Variants in PCDH7 observed in about 807,000 individuals in gnomAD.
The protein encoded by PCDH7 is protocadherin 7, also known as protocadherin-7.
PCDH7 carries 17 observed loss-of-function variants against 58.9 expected under a neutral mutation model. The observed-to-expected ratio is 0.29, with a 90% CI of 0.20 to 0.43. The LOEUF (loss-of-function observed/expected upper bound fraction) is 0.43. PCDH7 is among the 20% of genes least tolerant of loss of function. The pLI, the probability that PCDH7 is intolerant of heterozygous loss-of-function variation, is 1.00. For synonymous variants in PCDH7, 664 were observed against 616.4 expected (o/e 1.08, Z -1.14); for missense variants, 1,274 against 1,441.0 (o/e 0.88, Z 1.88).
intron 3 of PCDH7, among the ~76,000 whole-genome samples, chr4:30,960,717 G>A (rs940159675): frequency 1.3e-5 from 2 of 152,084 alleles, no homozygotes; most frequent in East Asian, 3.9e-4. Context: ...GGGTATTACA[G>A]ATGCAAATCA....
chr4:30,965,840 A>T (rs558171838), intron 3 of PCDH7, among the ~76,000 whole-genome samples: 48 of 152,142 alleles, frequency 3.2e-4, no homozygotes, highest in African/African-American at 6.3e-4. Context: ...TTATTTTTTT[A>T]AAAAAGTAGC....
At chr4:31,096,269 A>C (rs947434801) in intron 3 of PCDH7, among the ~76,000 whole-genome samples, 51 of 152,270 alleles carry the variant, frequency 3.3e-4, no homozygotes, top group Non-Finnish European at 2.4e-4. Context: ...TATTCAATAA[A>C]ACCTATTTAT....
At position 30,721,895 on chromosome 4, in the gene PCDH7, T is replaced by C; in HGVS notation, c.473T>C (p.Val158Ala). 1.3e-6 allele frequency: 2 copies of C among 1,589,866 alleles called. No homozygotes were observed. The highest frequency in any genetic ancestry group is 1.7e-6 in the Non-Finnish European group (2 of 1,169,856). The change falls in exon 1 of 2, where the codon GTG (valine) becomes GCG (alanine). Residue 158 changes from valine to alanine, a missense_variant. Physicochemically the swap from Val to Ala is moderately conservative, Grantham distance 64. This residue lies in a region of PCDH7 where 212 missense variants were observed against 255.8 expected (regional missense o/e 0.83). Transcript: ENST00000361762. This position sits in a 1 kb window ranked among gnomAD's most constrained non-coding sequence, Gnocchi z 6.7. The stretch of plus-strand genomic sequence containing the variant: ...CTCACGGTGGAGGAGAATCGGCCGG[T>C]GGGCACACTTTACCTGCTGCCCACA...
chr4:31,093,768 C>A (rs1180759424), intron 3 of PCDH7, among the ~76,000 whole-genome samples: 8 of 152,056 alleles, frequency 5.3e-5, no homozygotes, highest in Admixed American at 2.6e-4. Context: ...TGAAAGGCAA[C>A]CACATGAGCC....
intron 1 of PCDH7, among the ~76,000 whole-genome samples, chr4:30,766,704 C>T (rs1397325149): frequency 6.6e-6 from 1 of 151,490 alleles, no homozygotes; most frequent in Non-Finnish European, 1.5e-5. Context: ...GACAGTGTCC[C>T]ATTTATATTT....
intron 1 of PCDH7, among the ~76,000 whole-genome samples, chr4:30,918,923 C>T (rs1198022615): frequency 1.3e-5 from 2 of 152,082 alleles, no homozygotes; most frequent in Non-Finnish European, 2.9e-5. Context: ...TCTTAGCTTT[C>T]CCATTAATAA....
At chr4:30,724,434 T>C (rs1462338731) in exon 1 of PCDH7, 2 of 1,613,968 alleles carry the variant, frequency 1.2e-6, no homozygotes, top group South Asian at 1.1e-5. Flanking sequence ...CATTGCCTAC[T>C]GTTCAGCTTC....
In PCDH7 at chr4:31,032,482, A is replaced by T. The variant is rs1052454851; in HGVS notation, c.*7+82267A>T. Among the ~76,000 whole-genome samples, 5 of 151,628 alleles carry T rather than the reference A, an allele frequency of 3.3e-5. No homozygotes were observed. In the East Asian group the frequency reaches 9.7e-4, roughly 30 times the overall value. On this transcript the variant is annotated intron_variant, in intron 3 of 3. Coordinates refer to the PCDH7 transcript ENST00000509759. ...AATTAGCTTGTTGTGGTAGTGCATGACTGTAATCCCAGCTATCCAGGAGTC... is the reference window on the plus strand; with the variant it reads ...AATTAGCTTGTTGTGGTAGTGCATGTCTGTAATCCCAGCTATCCAGGAGTC...
chr4:31,061,209 G>C (rs2109237964), intron 3 of PCDH7, among the ~76,000 whole-genome samples: 1 of 151,716 alleles, frequency 6.6e-6, no homozygotes, highest in East Asian at 1.9e-4. Flanking sequence ...TCTGTGGTTT[G>C]TATCATTTGC....
At chr4:31,095,122 T>A (rs796365030) in intron 3 of PCDH7, among the ~76,000 whole-genome samples, 10 of 152,318 alleles carry the variant, frequency 6.6e-5, no homozygotes, top group African/African-American at 2.2e-4. Flanking sequence ...AGGGTATTTT[T>A]TTTTTTATGG....
intron 3 of PCDH7, among the ~76,000 whole-genome samples, chr4:31,090,223 G>T (rs1713051833): frequency 6.6e-6 from 1 of 151,494 alleles, no homozygotes; most frequent in South Asian, 2.1e-4. Flanking sequence ...TGTATACATG[G>T]TTCTGAAAGA....
intron 3 of PCDH7, among the ~76,000 whole-genome samples, chr4:31,026,176 T>G (rs1754408148): frequency 1.3e-5 from 2 of 152,344 alleles, no homozygotes; most frequent in South Asian, 4.1e-4. Flanking sequence ...TTCTAACATT[T>G]TCTCCCTTTA....
At chr4:31,125,644 G>A (rs575543263) in intron 3 of PCDH7, among the ~76,000 whole-genome samples, 9 of 151,992 alleles carry the variant, frequency 5.9e-5, no homozygotes, top group African/African-American at 7.3e-5. Flanking sequence ...ATAATCTCTC[G>A]TGATGCTAGG....
chr4:31,111,318 T>G (rs903117408), intron 3 of PCDH7, among the ~76,000 whole-genome samples: 2 of 150,756 alleles, frequency 1.3e-5, no homozygotes, highest in Non-Finnish European at 2.9e-5. Flanking sequence ...TTTTTTTTTT[T>G]TTTTCCTGAG....
intron 3 of PCDH7, among the ~76,000 whole-genome samples, chr4:31,081,563 T>C (rs181738629): frequency 1.8e-3 from 273 of 152,284 alleles, no homozygotes; most frequent in African/African-American, 6.3e-3. Context: ...CATTTCTGTG[T>C]CTTTCAATAT....
chr4:30,959,965 A>G (rs1246187864), intron 3 of PCDH7, among the ~76,000 whole-genome samples: 3 of 151,974 alleles, frequency 2.0e-5, no homozygotes, highest in African/African-American at 4.8e-5. Flanking sequence ...TTAAATTTTG[A>G]TAGTCTAACC....
chr4:30,982,026 C>G (rs189601894), intron 3 of PCDH7, among the ~76,000 whole-genome samples: 14 of 152,200 alleles, frequency 9.2e-5, no homozygotes, highest in Admixed American at 2.6e-4. Context: ...AACAATGTAT[C>G]GTGTTCTTGA....
At chr4:30,923,647 G>T (rs529731605) in intron 2 of PCDH7, among the ~76,000 whole-genome samples, 1 of 152,168 alleles carries the variant, frequency 6.6e-6, no homozygotes, top group East Asian at 1.9e-4. Flanking sequence ...TCTGTAGAAT[G>T]CCACAGGTCC....
intron 3 of PCDH7, among the ~76,000 whole-genome samples, chr4:31,072,394 T>C (rs1269064569): frequency 6.6e-6 from 1 of 152,086 alleles, no homozygotes. Flanking sequence ...TAAAGACTCA[T>C]GCATGAATAA....
Sources: gnomAD v4.1 joint callset for allele counts (sites outside exome capture counted in the v4.1 genomes callset) on GRCh38, gnomAD v4.1.1 for gene constraint, gnomAD v4.1.1 regional missense constraint, Gnocchi (gnomAD v3.1) non-coding constraint, MANE v1.5 for transcripts, NCBI Gene and HGNC (gene_info 2026-07-23, HGNC 2026-07-21) for gene names.